KAZN: variants seen among roughly 807,000 people sequenced by gnomAD.
The protein encoded by KAZN is kazrin.
Under a neutral mutation model 87.4 loss-of-function variants are expected in KAZN, and 40 were observed. The observed-to-expected ratio is 0.46, with a 90% CI of 0.36 to 0.60. KAZN has a LOEUF of 0.60. Among genes scored for constraint, KAZN ranks in the 20% least tolerant of loss-of-function variants. The pLI is 0.00. For missense variants in KAZN, 898 were observed against 1,073.9 expected (o/e 0.84, Z 2.29); for synonymous variants, 466 against 458.3 (o/e 1.02, Z -0.22).
chr1:14,056,485 C>G (rs1642562285), intron 1 of KAZN, among the ~76,000 whole-genome samples: 1 of 152,196 alleles, frequency 6.6e-6, no homozygotes, highest in South Asian at 2.1e-4. Context: ...GGGACCCAGC[C>G]CTGCTGACAT....
intron 1 of KAZN, among the ~76,000 whole-genome samples, chr1:14,782,266 G>A (rs1431472797): frequency 6.6e-6 from 1 of 151,798 alleles, no homozygotes; most frequent in African/African-American, 2.4e-5. Flanking sequence ...GCACCTCCCG[G>A]CTGGGTGCGG....
At chr1:14,243,243 A>T (rs1315722244) in intron 2 of KAZN, among the ~76,000 whole-genome samples, 3 of 151,884 alleles carry the variant, frequency 2.0e-5, no homozygotes, top group Non-Finnish European at 4.4e-5. Flanking sequence ...AGCAAATTCG[A>T]CCTCTCTCCT....
intron 1 of KAZN, among the ~76,000 whole-genome samples, chr1:14,681,593 CTATATATATATGTATATGTGTATA>C (rs1251241167): frequency 1.9e-4 from 18 of 94,240 alleles, no homozygotes; most frequent in African/African-American, 7.5e-4. Flanking sequence ...GCCATTTTAA[CTATATATATATGTATATGTGTATA>C]TATATATATA....
At chr1:14,747,393 C>T (rs1406376776) in intron 1 of KAZN, among the ~76,000 whole-genome samples, 5 of 152,192 alleles carry the variant, frequency 3.3e-5, no homozygotes, top group African/African-American at 4.8e-5. Flanking sequence ...CCTCCTTCCT[C>T]AGCCTCCCAA....
intron 2 of KAZN, among the ~76,000 whole-genome samples, chr1:14,285,573 G>T (rs1294119430): frequency 1.3e-5 from 2 of 152,126 alleles, no homozygotes; most frequent in African/African-American, 4.8e-5. Flanking sequence ...GAATTCGAAG[G>T]CTGTCTCTCA....
intron 4 of KAZN, among the ~76,000 whole-genome samples, chr1:15,048,912 A>G (rs578066282): frequency 1.4e-5 from 2 of 147,550 alleles, no homozygotes; most frequent in African/African-American, 5.2e-5. Flanking sequence ...GTCGTTGGTC[A>G]TGCCGTTCAG....
At chr1:14,500,330 G>A (rs1054852439) in intron 2 of KAZN, among the ~76,000 whole-genome samples, 4 of 152,088 alleles carry the variant, frequency 2.6e-5, no homozygotes, top group Admixed American at 6.6e-5. Flanking sequence ...ATTCCCAAAC[G>A]TATTTGCACA....
At position 14,189,683 on chromosome 1, in the gene KAZN, T is replaced by G. The variant is rs146196624; in HGVS notation, c.249+9091T>G. On this transcript the variant is annotated intron_variant, in intron 2 of 16. Transcript: ENST00000636203. ...TCAAAAGAAAAAGTAGACAAAGCAA[T>G]CACTTTTCCAGCCTCTGTTTGTATC... Among the ~76,000 whole-genome samples the G allele has an allele frequency of 2.2e-3, 341 of 152,212 alleles. 1 individual carries two copies. The highest frequency in any genetic ancestry group is 7.9e-3 in the African/African-American group (329 of 41,540).
chr1:15,082,207 G>T (rs1180854923), intron 8 of KAZN, among the ~76,000 whole-genome samples: 1 of 152,194 alleles, frequency 6.6e-6, no homozygotes, highest in Non-Finnish European at 1.5e-5. Flanking sequence ...GCAGCAACAG[G>T]CCCAGCCAGG....
chr1:15,109,660 T>C (rs112535388), intron 13 of KAZN, among the ~76,000 whole-genome samples: 1 of 1,902 alleles, frequency 5.3e-4, no homozygotes, highest in Non-Finnish European at 9.0e-4. Context: ...TGTTTGTGTA[T>C]GTGTTTATAT....
At chr1:14,420,541 C>T (rs761068320) in intron 2 of KAZN, among the ~76,000 whole-genome samples, 9 of 152,164 alleles carry the variant, frequency 5.9e-5, no homozygotes, top group African/African-American at 1.2e-4. Context: ...GACCAGGTGC[C>T]GCGGAGCAAG....
chr1:14,352,783 G>A (rs1658658604), intron 2 of KAZN, among the ~76,000 whole-genome samples: 1 of 152,086 alleles, frequency 6.6e-6, no homozygotes, highest in Non-Finnish European at 1.5e-5. Context: ...TACAAGATAA[G>A]AAAATTACAT....
At chr1:14,321,905 C>A (rs1354411122) in intron 2 of KAZN, among the ~76,000 whole-genome samples, 1 of 152,164 alleles carries the variant, frequency 6.6e-6, no homozygotes, top group Non-Finnish European at 1.5e-5. Flanking sequence ...TACCCATGGA[C>A]TTCCCTAGGG....
intron 1 of KAZN, among the ~76,000 whole-genome samples, chr1:14,760,559 T>G (rs1489409758): frequency 6.6e-6 from 1 of 152,184 alleles, no homozygotes; most frequent in Non-Finnish European, 1.5e-5. Flanking sequence ...CGTCCCCTCC[T>G]GCCCCTTCCA....
intron 1 of KAZN, among the ~76,000 whole-genome samples, chr1:14,150,353 A>C (rs1036299183): frequency 6.6e-6 from 1 of 152,172 alleles, no homozygotes; most frequent in Non-Finnish European, 1.5e-5. Flanking sequence ...GTATCTCAGG[A>C]GCAATTTAAT....
At chr1:14,124,432 T>C (rs568497130) in intron 1 of KAZN, 4 of 152,388 alleles carry the variant, frequency 2.6e-5, no homozygotes, top group Admixed American at 2.0e-4. Flanking sequence ...GACACTGTTT[T>C]ATCTGGGTTC....
chr1:13,904,310 C>T (rs1390513554), intron 1 of KAZN, among the ~76,000 whole-genome samples: 1 of 152,102 alleles, frequency 6.6e-6, no homozygotes, highest in East Asian at 1.9e-4. Context: ...TGCCTCCTCC[C>T]TTCCATTAAT....
intron 2 of KAZN, among the ~76,000 whole-genome samples, chr1:14,484,474 A>G (rs985508703): frequency 6.6e-6 from 1 of 152,190 alleles, no homozygotes; most frequent in South Asian, 2.1e-4. Flanking sequence ...ATTTTTATCA[A>G]TTTTTTAAAG....
intron 1 of KAZN, among the ~76,000 whole-genome samples, chr1:13,962,537 G>C (rs1320525195): frequency 6.6e-6 from 1 of 152,050 alleles, no homozygotes; most frequent in Non-Finnish European, 1.5e-5. Context: ...ACAACCCCGG[G>C]TGATAGGCCT....
Sources: gnomAD v4.1 joint callset for allele counts (sites outside exome capture counted in the v4.1 genomes callset) on GRCh38, gnomAD v4.1.1 for gene constraint, MANE v1.5 for transcripts, NCBI Gene and HGNC (gene_info 2026-07-23, HGNC 2026-07-21) for gene names.